The following LAMB1 variants were observed in gnomAD, a reference collection of about 807,000 sequenced individuals.
The protein encoded by LAMB1 is laminin subunit beta 1, also known as laminin subunit beta-1.
In LAMB1, 121 loss-of-function variants were observed where a neutral mutation model predicts 222.3. The observed-to-expected ratio is 0.54, with a 90% CI of 0.47 to 0.63. The LOEUF (loss-of-function observed/expected upper bound fraction) is 0.63. Ranked by LOEUF, LAMB1 falls within the 30% of genes least tolerant of loss-of-function variation. The pLI is 0.00. For missense variants in LAMB1, 2,172 were observed against 2,240.8 expected (o/e 0.97, Z 0.62); for synonymous variants, 794 against 807.2 (o/e 0.98, Z 0.28).
intron 24 of LAMB1, among the ~76,000 whole-genome samples, chr7:107,946,890 C>T (rs1015293381): frequency 4.6e-5 from 7 of 152,198 alleles, no homozygotes; most frequent in Admixed American, 2.0e-4. Flanking sequence ...GGCCACTACC[C>T]GGACCCTCTT....
At chr7:107,985,568 G>T (rs1563004948) in intron 7 of LAMB1, among the ~76,000 whole-genome samples, 1 of 152,138 alleles carries the variant, frequency 6.6e-6, no homozygotes, top group Non-Finnish European at 1.5e-5. Flanking sequence ...GGCAGAGGTT[G>T]CAGTGAGCCT....
rs752328733 is a variant in LAMB1 at position 107,953,504 on chromosome 7, G to A, written c.3079+26C>T. ...AAAAAGGTGGAAGTCATTCTAAGAAGTGGGCAGAATAAATGTGCATCTTAC... is the reference window on the plus strand; with the variant it reads ...AAAAAGGTGGAAGTCATTCTAAGAAATGGGCAGAATAAATGTGCATCTTAC... On this transcript the variant is annotated intron_variant, in intron 22 of 33. Transcript: ENST00000222399. 5.4e-6 allele frequency: 8 copies of A among 1,490,568 alleles called. No homozygotes were observed. The South Asian group carries it at 6.8e-5, about 13-fold the overall frequency. 92.3% of individuals were successfully genotyped at this position (1,490,568 alleles called of 1,614,324 possible).
intron 13 of LAMB1, among the ~76,000 whole-genome samples, chr7:107,966,274 G>C (rs745768013): frequency 6.6e-6 from 1 of 151,768 alleles, no homozygotes; most frequent in Non-Finnish European, 1.5e-5. Context: ...ACAGTGGAAC[G>C]ATCTCGGTTC....
chr7:107,960,773 T>G (rs953534139), intron 17 of LAMB1, 124 bp from the exon 18 acceptor site: 2 of 732,368 alleles, frequency 2.7e-6, no homozygotes, highest in African/African-American at 3.5e-5. Context: ...ATTAGACTCA[T>G]TAAATAAAGT....
intron 7 of LAMB1, among the ~76,000 whole-genome samples, chr7:107,981,490 G>A (rs1195859331): frequency 6.6e-6 from 1 of 151,906 alleles, no homozygotes; most frequent in African/African-American, 2.4e-5. Context: ...GCAGGCATCT[G>A]TAATCCCAGT....
chr7:107,924,234 G>A lies in LAMB1; in HGVS notation c.5220C>T (p.Leu1740=). 1 of 1,603,708 alleles carries A rather than the reference G, an allele frequency of 6.2e-7. No individual in the cohort carries two copies. The highest frequency in any genetic ancestry group is 8.5e-7 in the Non-Finnish European group (1 of 1,177,230). Residue 1740 remains leucine, a synonymous_variant, in exon 33 of 34, where the codon CTC becomes CTT. Coordinates refer to ENST00000222399, the MANE Select transcript of LAMB1 (RefSeq NM_002291.3). ...AGCCTGTGTGAAAAGACCCACCTTT[G>A]AGCAGTTGCAGCTTGCTATTTGCTT... ...LAQANSKLQL[L]KDLERKYEDN... is the part of the protein sequence containing the mutation.
Position 107,929,283 on chromosome 7 carries a change from T to C in LAMB1, c.4746-78A>G, listed in dbSNP as rs1340789411. On this transcript the variant is annotated intron_variant, in intron 30 of 33. Coordinates refer to ENST00000222399, the MANE Select transcript of LAMB1 (RefSeq NM_002291.3). ...TCTCAGTGTTCTTTTCTTTAAAGAA[T>C]AGCCTTCCTGAAATGACCCAGAGAG... 4.5e-6 allele frequency: 7 copies of C among 1,551,162 alleles called. No homozygotes were observed. The African/African-American group carries it at 6.8e-5, about 15-fold the overall frequency.
At position 107,985,136 on chromosome 7, in the gene LAMB1, T is replaced by C. The variant is rs1563004663; in HGVS notation, c.676+886A>G. Reference sequence around the variant, plus strand: ...CAATTACTTGATAACCTATCAATCTTATATCGGATGTATTGTATTTACATC... The same window carrying C: ...CAATTACTTGATAACCTATCAATCTCATATCGGATGTATTGTATTTACATC... On this transcript the variant is annotated intron_variant, in intron 7 of 33. Transcript: ENST00000222399. Among the ~76,000 whole-genome samples the C allele has an allele frequency of 3.9e-5, 6 of 152,232 alleles. No individual in the cohort carries two copies. The South Asian group carries it at 1.2e-3, about 31-fold the overall frequency.
intron 8 of LAMB1, among the ~76,000 whole-genome samples, chr7:107,980,393 C>T (rs527789109): frequency 2.0e-5 from 3 of 152,060 alleles, no homozygotes; most frequent in Admixed American, 6.6e-5. Flanking sequence ...AAAAATTCAT[C>T]GTCTATGAAA....
intron 31 of LAMB1, among the ~76,000 whole-genome samples, chr7:107,928,322 G>C (rs770463084): frequency 3.6e-4 from 55 of 152,186 alleles, no homozygotes; most frequent in Non-Finnish European, 6.5e-4. Flanking sequence ...AAAGCAGACT[G>C]ACTGTTCTCC....
chr7:107,956,551 C>T (rs1201333180), intron 20 of LAMB1, among the ~76,000 whole-genome samples: 1 of 152,240 alleles, frequency 6.6e-6, no homozygotes, highest in Non-Finnish European at 1.5e-5. Context: ...ATTGTTCTAT[C>T]AGCTGCCTGC....
In LAMB1 at chr7:107,975,430, G is replaced by A. The variant is rs2033832762; in HGVS notation, c.1190-17C>T. The A allele has an allele frequency of 6.3e-7, 1 of 1,588,958 alleles. No individual in the cohort carries two copies. Among genetic ancestry groups the A allele is most frequent in the Non-Finnish European group, 8.6e-7 (1 of 1,168,422 alleles). On this transcript the variant is annotated splice_polypyrimidine_tract_variant and intron_variant, in intron 10 of 33. Coordinates refer to ENST00000222399, the MANE Select transcript of LAMB1 (RefSeq NM_002291.3). ...ACGTACATCCTGAGAAGAATGCAAA[G>A]CACCAGGTTAAAATCAGGAGGAAAC...
intron 31 of LAMB1, 106 bp downstream of exon 31, chr7:107,928,958 T>G: frequency 9.2e-7 from 1 of 1,088,748 alleles, no homozygotes; most frequent in Non-Finnish European, 1.4e-6. Flanking sequence ...AAGGAATCCT[T>G]TAATGTTGAG....
chr7:107,956,220 A>G (rs2033373060), intron 20 of LAMB1, among the ~76,000 whole-genome samples: 1 of 151,842 alleles, frequency 6.6e-6, no homozygotes, highest in African/African-American at 2.4e-5. Flanking sequence ...TTTAGTAGAG[A>G]TGGGGTTTCA....
chr7:107,998,224 G>T, intron 4 of LAMB1, 133 bp downstream of exon 4: 1 of 783,736 alleles, frequency 1.3e-6, no homozygotes, highest in Non-Finnish European at 2.1e-6. Flanking sequence ...AGTGCTCCAG[G>T]CAGTCAATCT....
chr7:107,940,093 A>G lies in LAMB1; in HGVS notation c.3657T>C (p.Thr1219=). ...ISGVIGPYRE[T]VDSVERKVSE... is the part of the protein sequence containing the mutation. ...TGACTTTCCTCTCCACCGAGTCCAC[A>G]GTCTCACGGTAAGGCCCGATCACAC... Residue 1219 remains threonine (T), a synonymous_variant, in exon 25 of 34, where the codon ACT becomes ACC. Transcript: ENST00000222399. 6.2e-7 allele frequency: 1 copy of G among 1,614,074 alleles called. No individual in the cohort carries two copies. Among genetic ancestry groups the G allele is most frequent in the South Asian group, 1.1e-5 (1 of 91,064 alleles).
At chr7:107,997,058 A>G (rs765023790) in intron 4 of LAMB1, among the ~76,000 whole-genome samples, 1 of 152,222 alleles carries the variant, frequency 6.6e-6, no homozygotes, top group Admixed American at 6.5e-5. Flanking sequence ...TTTGTAACCA[A>G]TGAATTGCCA....
At chr7:107,953,083 G>GC in intron 22 of LAMB1, among the ~76,000 whole-genome samples, 1 of 152,306 alleles carries the variant, frequency 6.6e-6, no homozygotes, top group African/African-American at 2.4e-5. Context: ...ATGACCAGGT[G>GC]CAACGGCTCA....
At chr7:107,987,657 C>T (rs1014469890) in intron 5 of LAMB1, among the ~76,000 whole-genome samples, 1 of 152,122 alleles carries the variant, frequency 6.6e-6, no homozygotes, top group Non-Finnish European at 1.5e-5. Flanking sequence ...CGCACCACCA[C>T]GCCTGGCTAA....
Sources: gnomAD v4.1 joint callset for allele counts (sites outside exome capture counted in the v4.1 genomes callset) on GRCh38, gnomAD v4.1.1 for gene constraint, MANE v1.5 for transcripts, NCBI Gene and HGNC (gene_info 2026-07-23, HGNC 2026-07-21) for gene names.